The following NPHP4 variants were observed in gnomAD, a reference collection of about 807,000 sequenced individuals.
NPHP4 encodes the protein nephrocystin 4, also known as nephrocystin-4.
A neutral mutation model predicts 155.8 loss-of-function variants in NPHP4; 151 were observed. The observed-to-expected ratio is 0.97, with a 90% CI of 0.85 to 1.11. NPHP4 has a LOEUF of 1.11. NPHP4 is among the 50% of genes least tolerant of loss of function. The pLI, the probability that NPHP4 is intolerant of heterozygous loss-of-function variation, is 0.00. For synonymous variants in NPHP4, 845 were observed against 816.8 expected, an observed-to-expected ratio of 1.03 and a Z score of -0.59; for missense variants, 1,956 against 1,925.7, an observed-to-expected ratio of 1.02 and a Z score of -0.29.
At chr1:5,875,159 C>T in intron 20 of NPHP4, 59 bp from the exon 21 acceptor site, 1 of 1,330,690 alleles carries the variant, frequency 7.5e-7, no homozygotes, top group Admixed American at 1.9e-5. Flanking sequence ...CCACAAGGGG[C>T]TATTGCTGGC....
At chr1:5,952,911 C>G in intron 6 of NPHP4, 75 bp from the exon 7 acceptor site, 3 of 1,414,630 alleles carry the variant, frequency 2.1e-6, no homozygotes, top group East Asian at 2.5e-5. Context: ...GGGTCCCTAC[C>G]CACCCCAGCC....
At chr1:5,901,348 C>G (rs184289307) in intron 16 of NPHP4, among the ~76,000 whole-genome samples, 1 of 152,344 alleles carries the variant, frequency 6.6e-6, no homozygotes, top group African/African-American at 2.4e-5. Flanking sequence ...GGGAACCATG[C>G]CCGTCCAGGG....
At chr1:5,957,062 G>A (rs149995498) in intron 6 of NPHP4, among the ~76,000 whole-genome samples, 187 of 152,206 alleles carry the variant, frequency 1.2e-3, no homozygotes, top group African/African-American at 4.2e-3. Flanking sequence ...CAGCAACCAC[G>A]GCAGACATGA....
In NPHP4 at chr1:5,985,602, T is replaced by C. The variant is rs555671113; in HGVS notation, c.135+553A>G. On this transcript the variant is annotated intron_variant, in intron 2 of 29. Coordinates refer to ENST00000378156, the MANE Select transcript of NPHP4 (RefSeq NM_015102.5). ...AAATCAGAGTACTTGGGTTTTTAAA[T>C]TGCTCCACTGTGGGCAGAAAGAAAC... is the stretch of plus-strand genomic sequence containing the variant. 3.3e-5 allele frequency among the ~76,000 whole-genome samples: 5 copies of C among 152,330 alleles called. No individual in the cohort carries two copies. In the East Asian group the frequency reaches 9.6e-4, roughly 29 times the overall value.
At chr1:5,864,564 GC>G in intron 27 of NPHP4, 47 bp from the exon 28 acceptor site, 3 of 1,440,764 alleles carry the variant, frequency 2.1e-6, no homozygotes, top group Non-Finnish European at 2.8e-6. Context: ...CTCAGGATGT[GC>G]AAGCAAGGGG....
At position 5,944,505 on chromosome 1, in the gene NPHP4, G is replaced by A. The variant is rs191481752; in HGVS notation, c.1119+2599C>T. ...GTCCCGCTCAATTCCAGTTTCACCC[G>A]GTGGATGCTTAACCCACTTCCAATG... On this transcript the variant is annotated intron_variant, in intron 9 of 29. Coordinates refer to ENST00000378156, the MANE Select transcript of NPHP4 (RefSeq NM_015102.5). This position sits in a 1 kb window ranked among gnomAD's most constrained non-coding sequence, Gnocchi z 4.3. 4.6e-5 allele frequency among the ~76,000 whole-genome samples: 7 copies of A among 152,312 alleles called. No individual in the cohort carries two copies. The East Asian group carries it at 1.2e-3, about 25-fold the overall frequency.
chr1:5,908,552 C>G (rs537696353), intron 12 of NPHP4, among the ~76,000 whole-genome samples: 28 of 152,302 alleles, frequency 1.8e-4, no homozygotes, highest in African/African-American at 5.8e-4. Flanking sequence ...TGTCTCGGGA[C>G]TCCAGAACGG....
chr1:5,908,238 G>A (rs1298004366), intron 12 of NPHP4, among the ~76,000 whole-genome samples: 1 of 152,230 alleles, frequency 6.6e-6, no homozygotes, highest in Non-Finnish European at 1.5e-5. Context: ...GGGGTCACGT[G>A]GAAACTGCTC....
chr1:5,950,648 C>T (rs942223762), intron 7 of NPHP4, among the ~76,000 whole-genome samples: 3 of 152,162 alleles, frequency 2.0e-5, no homozygotes, highest in South Asian at 2.1e-4. Context: ...TCTGCCTCCA[C>T]GAGAGCAAGC....
chr1:5,874,842 C>T, intron 21 of NPHP4, 32 bp downstream of exon 21: 1 of 1,598,006 alleles, frequency 6.3e-7, no homozygotes, highest in South Asian at 1.1e-5. Flanking sequence ...CAGATCTGGG[C>T]TGGGGCAGGA....
In NPHP4 at chr1:5,867,108, C is replaced by A. The variant is rs373955397; in HGVS notation, c.3480G>T (p.Pro1160=). Residue 1160 remains proline (P), a synonymous_variant, in exon 25 of 30, where the codon CCG becomes CCT. Coordinates refer to ENST00000378156, the MANE Select transcript of NPHP4 (RefSeq NM_015102.5). This position sits in a 1 kb window ranked among gnomAD's most constrained non-coding sequence, Gnocchi z 4.1. The part of the protein sequence containing the change: ...LPPWHTFPGA[P]VGMLGEDPPV... ...GGGGGTCCTCACCAAGCATTCCCAC[C>A]GGAGCACCTGGAGCAGGGGAAATGT... 1.2e-6 allele frequency: 2 copies of A among 1,611,582 alleles called. No homozygotes were observed. The highest frequency in any genetic ancestry group is 1.3e-5 in the African/African-American group (1 of 74,868).
intron 12 of NPHP4, 36 bp downstream of exon 12, chr1:5,909,116 G>C (rs1325084819): frequency 1.3e-6 from 2 of 1,520,884 alleles, no homozygotes; most frequent in Non-Finnish European, 1.8e-6. Context: ...ATTGACTCTG[G>C]AATTCTGAAG....
intron 27 of NPHP4, 117 bp downstream of exon 27, chr1:5,864,984 TG>T: frequency 3.0e-6 from 3 of 994,404 alleles, no homozygotes; most frequent in Non-Finnish European, 4.6e-6. Context: ...GTCTGCGCGC[TG>T]GAGGCGCTGG....
chr1:5,863,845 T>C (rs1640895588), intron 29 of NPHP4, 45 bp downstream of exon 29: 1 of 1,608,164 alleles, frequency 6.2e-7, no homozygotes, highest in Non-Finnish European at 8.5e-7. Context: ...TCCATTCAGG[T>C]CCCCGGGTCT....
chr1:5,964,106 T>C (rs1650893641), intron 5 of NPHP4, among the ~76,000 whole-genome samples: 2 of 152,304 alleles, frequency 1.3e-5, no homozygotes, highest in Middle Eastern at 3.4e-3. Context: ...TTCTGTGTAC[T>C]GATAGGAAAC....
chr1:5,957,924 A>G (rs990394103), intron 6 of NPHP4, among the ~76,000 whole-genome samples: 11 of 152,238 alleles, frequency 7.2e-5, no homozygotes, highest in Admixed American at 5.9e-4. Context: ...AATCCATTCA[A>G]GAGAGACCTA....
At chr1:5,970,357 G>T (rs1439028750) in intron 3 of NPHP4, among the ~76,000 whole-genome samples, 1 of 152,032 alleles carries the variant, frequency 6.6e-6, no homozygotes, top group Non-Finnish European at 1.5e-5. Context: ...ACAAAAATTA[G>T]CCAGGCATGG....
At chr1:5,966,888 C>T (rs963285644) in intron 5 of NPHP4, among the ~76,000 whole-genome samples, 39 of 152,330 alleles carry the variant, frequency 2.6e-4, no homozygotes, top group Middle Eastern at 3.4e-3. Flanking sequence ...CAGGAAGCTC[C>T]CCGCCGACCC....
chr1:5,948,854 G>C (rs778441852), intron 7 of NPHP4, among the ~76,000 whole-genome samples: 8 of 152,196 alleles, frequency 5.3e-5, no homozygotes, highest in Non-Finnish European at 1.0e-4. Context: ...ATATTAAAGT[G>C]TTTCATCTTA....
Sources: allele counts gnomAD v4.1 joint callset (sites outside exome capture counted in the v4.1 genomes callset), GRCh38; gene constraint gnomAD v4.1.1; non-coding constraint Gnocchi (gnomAD v3.1); transcripts MANE v1.5; gene names NCBI Gene and HGNC (gene_info 2026-07-23, HGNC 2026-07-21).